Variants in SHROOM3 observed in about 807,000 individuals in gnomAD.
SHROOM3 encodes the protein shroom family member 3.
SHROOM3 carries 47 observed loss-of-function variants against 138.6 expected under a neutral mutation model. The observed-to-expected ratio is 0.34, with a 90% CI of 0.27 to 0.43. The LOEUF (loss-of-function observed/expected upper bound fraction) is 0.43, where lower values mean the gene tolerates loss of function less well. Ranked by LOEUF, SHROOM3 falls within the 20% of genes least tolerant of loss-of-function variation. The pLI is 1.00. For missense variants in SHROOM3, 2,491 were observed against 2,596.5 expected (o/e 0.96, Z 0.88); for synonymous variants, 1,062 against 1,063.3 (o/e 1.00, Z 0.02).
intron 1 of SHROOM3, among the ~76,000 whole-genome samples, chr4:76,450,827 A>T (rs1389714630): frequency 6.6e-6 from 1 of 152,208 alleles, no homozygotes; most frequent in Non-Finnish European, 1.5e-5. Context: ...ATATAGTAAA[A>T]ATCAATGAAT....
intron 2 of SHROOM3, among the ~76,000 whole-genome samples, chr4:76,589,757 C>G (rs978803785): frequency 6.6e-6 from 1 of 152,214 alleles, no homozygotes; most frequent in African/African-American, 2.4e-5. Flanking sequence ...AAGGGAATCT[C>G]CAAGTTCTTC....
rs560858031 is a variant in SHROOM3, at chr4:76,520,258, G to C, written c.169-35351G>C. ...AAATCATCTAATCCCTCTGCCTCTT[G>C]GCAGCATTTCAAGACTTTGAAGAGA... On this transcript the variant is annotated intron_variant, in intron 1 of 10. Coordinates refer to ENST00000296043, the MANE Select transcript of SHROOM3 (RefSeq NM_020859.4). Among the ~76,000 whole-genome samples, 3 of 152,206 alleles carry C rather than the reference G, an allele frequency of 2.0e-5. No individual in the cohort carries two copies. In the East Asian group the frequency reaches 5.8e-4, roughly 29 times the overall value.
At chr4:76,523,577 G>A (rs752083408) in intron 1 of SHROOM3, among the ~76,000 whole-genome samples, 2 of 152,184 alleles carry the variant, frequency 1.3e-5, no homozygotes, top group Admixed American at 1.3e-4. Flanking sequence ...TAAAATTTGG[G>A]GAAAATATAC....
intron 5 of SHROOM3, among the ~76,000 whole-genome samples, chr4:76,748,110 G>A (rs993699077): frequency 6.6e-6 from 1 of 152,174 alleles, no homozygotes; most frequent in Non-Finnish European, 1.5e-5. Flanking sequence ...TATTAATAAT[G>A]TTCAGGGGTT....
At chr4:76,768,565 C>T (rs1336490003) in intron 9 of SHROOM3, among the ~76,000 whole-genome samples, 1 of 152,202 alleles carries the variant, frequency 6.6e-6, no homozygotes, top group African/African-American at 2.4e-5. Context: ...GGCTGGAGTA[C>T]AGTGGTGTGA....
At chr4:76,496,476 C>T (rs749495473) in intron 1 of SHROOM3, among the ~76,000 whole-genome samples, 10 of 152,206 alleles carry the variant, frequency 6.6e-5, no homozygotes, top group Non-Finnish European at 1.5e-4. Context: ...AACCAAACCA[C>T]TTGTTAACAG....
chr4:76,775,321 G>GGTGTGT lies in SHROOM3; in HGVS notation c.5623-3471_5623-3466dup, dbSNP rs57294282. 4.3e-3 allele frequency among the ~76,000 whole-genome samples: 639 copies of GGTGTGT among 149,202 alleles called. 5 individuals carry two copies. The highest frequency in any genetic ancestry group is 0.014 in the African/African-American group (550 of 40,594). ...TTTATGGCTGAGTAGTAGTCCATGGGGTGTGTGTGTGTGTGTGTGTGTAAA... is the reference window on the plus strand; with the variant it reads ...TTTATGGCTGAGTAGTAGTCCATGGGGTGTGTGTGTGTGTGTGTGTGTGTGTGTAAA... On this transcript the variant is annotated intron_variant, in intron 10 of 10. Coordinates refer to ENST00000296043, the MANE Select transcript of SHROOM3 (RefSeq NM_020859.4).
intron 5 of SHROOM3, among the ~76,000 whole-genome samples, chr4:76,746,406 A>G (rs1721436622): frequency 6.6e-6 from 1 of 152,218 alleles, no homozygotes; most frequent in South Asian, 2.1e-4. Context: ...ATTGTATTGC[A>G]ACTGCCTACA....
rs1261826847 is a variant in SHROOM3, at chr4:76,661,724, T to C, written c.324-48432T>C. On this transcript the variant is annotated intron_variant, in intron 2 of 10. Coordinates refer to ENST00000296043, the MANE Select transcript of SHROOM3 (RefSeq NM_020859.4). ...TATTTGTCACTCAATGTAAGGTTTC[T>C]GAACTTTATCTGTGTTGTTGCTTGT... Among the ~76,000 whole-genome samples, 3 of 152,256 alleles carry C rather than the reference T, an allele frequency of 2.0e-5. No individual in the cohort carries two copies. In the East Asian group the frequency reaches 5.8e-4, roughly 29 times the overall value.
intron 2 of SHROOM3, 69 bp downstream of exon 2, chr4:76,555,832 C>T: frequency 6.4e-7 from 1 of 1,559,306 alleles, no homozygotes; most frequent in Non-Finnish European, 8.7e-7. Context: ...CCTACCCCAC[C>T]TCTGGGAAAA....
intron 2 of SHROOM3, chr4:76,586,263 G>T: frequency 5.1e-6 from 5 of 985,656 alleles, no homozygotes; most frequent in Non-Finnish European, 6.0e-6. Context: ...AGGTGCGTCT[G>T]TGGTGTCAGA....
At chr4:76,563,611 T>C (rs1028361564) in intron 2 of SHROOM3, among the ~76,000 whole-genome samples, 2 of 152,174 alleles carry the variant, frequency 1.3e-5, no homozygotes, top group African/African-American at 4.8e-5. Context: ...TTTGAAAACA[T>C]AATGTTCTTT....
Position 76,759,615 on chromosome 4 carries a change from G to A in SHROOM3, c.5269G>A (p.Ala1757Thr), listed in dbSNP as rs1156790083. The A allele has an allele frequency of 6.2e-7, 1 of 1,614,158 alleles. No homozygotes were observed. The highest frequency in any genetic ancestry group is 1.1e-5 in the South Asian group (1 of 91,078). Reference protein sequence around the residue: ...PAYYSVSAPKAELLNKIKEMP... With the variant: ...PAYYSVSAPKTELLNKIKEMP... Reference sequence around the variant, plus strand: ...CTACTACAGTGTGTCTGCTCCCAAGGCTGAGCTACTGAACAAAATCAAAGA... The same window carrying A: ...CTACTACAGTGTGTCTGCTCCCAAGACTGAGCTACTGAACAAAATCAAAGA... The change falls in exon 9 of 11, where the codon GCT becomes ACT. Residue 1757 changes from alanine to threonine, a missense_variant. Transcript: ENST00000296043.
At chr4:76,717,486 C>T (rs145284032) in intron 3 of SHROOM3, among the ~76,000 whole-genome samples, 147 of 152,176 alleles carry the variant, frequency 9.7e-4, no homozygotes, top group Non-Finnish European at 7.2e-4. Context: ...CTATGTTACA[C>T]CTTTTGTAGT....
chr4:76,540,658 A>T (rs939456724), intron 1 of SHROOM3, among the ~76,000 whole-genome samples: 1 of 152,192 alleles, frequency 6.6e-6, no homozygotes, highest in Non-Finnish European at 1.5e-5. Context: ...AAGTGCTAGA[A>T]ATCTCATAGT....
At chr4:76,744,945 A>T (rs1026966984) in intron 5 of SHROOM3, among the ~76,000 whole-genome samples, 5 of 152,224 alleles carry the variant, frequency 3.3e-5, no homozygotes, top group African/African-American at 1.2e-4. Flanking sequence ...CAATCGATCC[A>T]TCTCTGGCCT....
At chr4:76,667,892 C>T (rs996405498) in intron 2 of SHROOM3, among the ~76,000 whole-genome samples, 22 of 132,090 alleles carry the variant, frequency 1.7e-4, no homozygotes, top group Admixed American at 1.5e-3. Flanking sequence ...CACTTGAACC[C>T]GGGAGGCGGA....
intron 2 of SHROOM3, chr4:76,689,511 A>T (rs752153845): frequency 2.6e-4 from 253 of 982,908 alleles, no homozygotes; most frequent in Non-Finnish European, 2.9e-4. Flanking sequence ...GCCCCGGCCC[A>T]CCGTGCAGCT....
chr4:76,525,218 G>C (rs1013308460), intron 1 of SHROOM3, among the ~76,000 whole-genome samples: 1 of 152,174 alleles, frequency 6.6e-6, no homozygotes, highest in Admixed American at 6.5e-5. Flanking sequence ...GAAACTTACA[G>C]TCATGGTGGA....
Sources: allele counts gnomAD v4.1 joint callset (sites outside exome capture counted in the v4.1 genomes callset), GRCh38; gene constraint gnomAD v4.1.1; transcripts MANE v1.5; gene names NCBI Gene and HGNC (gene_info 2026-07-23, HGNC 2026-07-21).